The following MTX2 variants were observed in gnomAD, a reference collection of about 807,000 sequenced individuals.
MTX2 encodes the protein metaxin 2, also known as metaxin-2.
In MTX2, 35 loss-of-function variants were observed where a neutral mutation model predicts 42.3. The ratio of observed to expected loss-of-function variants is 0.83; its 90% CI spans 0.63 to 1.10. The LOEUF (loss-of-function observed/expected upper bound fraction) is 1.10, where lower values mean the gene tolerates loss of function less well. MTX2 is among the 50% of genes least tolerant of loss of function. The pLI is 0.00. For missense variants in MTX2, 307 were observed against 304.1 expected (o/e 1.01, Z -0.07); for synonymous variants, 119 against 100.9 (o/e 1.18, Z -1.08).
At chr2:176,274,147 CTGATAA>C (rs1174001204) in intron 1 of MTX2, among the ~76,000 whole-genome samples, 8 of 150,962 alleles carry the variant, frequency 5.3e-5, no homozygotes, top group South Asian at 2.1e-4. Context: ...TTTTTTTTTC[CTGATAA>C]TGATAATGAT....
At chr2:176,305,676 G>C (rs1019310667) in intron 3 of MTX2, among the ~76,000 whole-genome samples, 4 of 151,982 alleles carry the variant, frequency 2.6e-5, no homozygotes, top group African/African-American at 4.8e-5. Flanking sequence ...CTCTTTTGTT[G>C]CTTTCAGAAA....
chr2:176,333,041 A>G (rs888586622), intron 9 of MTX2, among the ~76,000 whole-genome samples: 5 of 151,548 alleles, frequency 3.3e-5, no homozygotes, highest in Admixed American at 6.6e-5. Context: ...TATTCAAATG[A>G]AAAAATAGTA....
chr2:176,298,597 TATTTA>T (rs1405406390), intron 3 of MTX2, among the ~76,000 whole-genome samples: 1 of 152,148 alleles, frequency 6.6e-6, no homozygotes, highest in Non-Finnish European at 1.5e-5. Flanking sequence ...ACATTTTGCA[TATTTA>T]GCTGCCATTT....
At chr2:176,297,930 C>A in intron 3 of MTX2, 35 bp downstream of exon 3, 1 of 1,478,014 alleles carries the variant, frequency 6.8e-7, no homozygotes, top group South Asian at 1.4e-5. Context: ...CTTTTTCACC[C>A]CCTAGGTGGT....
intron 9 of MTX2, among the ~76,000 whole-genome samples, chr2:176,336,099 A>G (rs2105451114): frequency 6.6e-6 from 1 of 152,282 alleles, no homozygotes; most frequent in South Asian, 2.1e-4. Flanking sequence ...ATATTTTCAC[A>G]TTTATGTAGG....
chr2:176,296,217 A>G (rs1006925663), intron 1 of MTX2, among the ~76,000 whole-genome samples: 2 of 152,122 alleles, frequency 1.3e-5, no homozygotes, highest in South Asian at 2.1e-4. Context: ...GCATTATTTC[A>G]CATTGTAGGT....
intron 3 of MTX2, among the ~76,000 whole-genome samples, chr2:176,314,058 A>G (rs972764278): frequency 6.6e-6 from 1 of 150,800 alleles, no homozygotes; most frequent in Non-Finnish European, 1.5e-5. Context: ...TTTTTTTTTT[A>G]ACTTAATGCA....
At chr2:176,321,268 A>C (rs1206125763) in intron 3 of MTX2, among the ~76,000 whole-genome samples, 1 of 152,002 alleles carries the variant, frequency 6.6e-6, no homozygotes, top group East Asian at 1.9e-4. Context: ...ACCCTACCCT[A>C]TCTTTGTGGG....
chr2:176,330,938 A>G lies in MTX2; in HGVS notation c.620+278A>G, dbSNP rs368455739. 1.6e-4 allele frequency among the ~76,000 whole-genome samples: 24 copies of G among 151,134 alleles called. 1 individual carries two copies. Among genetic ancestry groups the G allele is most frequent in the African/African-American group, 5.8e-4 (24 of 41,462 alleles). On this transcript the variant is annotated intron_variant, in intron 9 of 9. Coordinates refer to ENST00000249442, the MANE Select transcript of MTX2 (RefSeq NM_006554.5). ...TTTTAATGAGGTAGTTCAAGGTGCT[A>G]TACATGGAACTACAAAATCTTAACA...
chr2:176,327,729 C>G (rs1186685651), intron 5 of MTX2, among the ~76,000 whole-genome samples: 2 of 150,596 alleles, frequency 1.3e-5, no homozygotes, highest in East Asian at 3.9e-4. Context: ...GTATAAATTC[C>G]TAAGGTTGGT....
chr2:176,271,264 A>T (rs1692798558), intron 1 of MTX2, among the ~76,000 whole-genome samples: 1 of 152,242 alleles, frequency 6.6e-6, no homozygotes, highest in Non-Finnish European at 1.5e-5. Flanking sequence ...TTGATTAAAG[A>T]TCTAAATATA....
intron 3 of MTX2, among the ~76,000 whole-genome samples, chr2:176,318,483 A>C (rs545252833): frequency 5.3e-5 from 8 of 152,326 alleles, no homozygotes; most frequent in Non-Finnish European, 7.3e-5. Context: ...TTATATATAA[A>C]GAATGGGTGC....
intron 1 of MTX2, among the ~76,000 whole-genome samples, chr2:176,285,192 T>A (rs185805665): frequency 6.6e-6 from 1 of 152,274 alleles, no homozygotes; most frequent in African/African-American, 2.4e-5. Context: ...TTACTTAGCT[T>A]GTGCCTCAGT....
chr2:176,314,120 C>T (rs917950706), intron 3 of MTX2, among the ~76,000 whole-genome samples: 2 of 151,894 alleles, frequency 1.3e-5, no homozygotes, highest in Non-Finnish European at 2.9e-5. Flanking sequence ...AGTCTGTTCC[C>T]TTACTCGTGT....
intron 2 of MTX2, among the ~76,000 whole-genome samples, chr2:176,297,231 G>A (rs1253670738): frequency 6.6e-6 from 1 of 152,128 alleles, no homozygotes; most frequent in Admixed American, 6.6e-5. Context: ...GGTAAAGTGG[G>A]CTCTCAGTAA....
intron 4 of MTX2, among the ~76,000 whole-genome samples, chr2:176,326,254 C>T (rs779618317): frequency 1.3e-5 from 2 of 151,716 alleles, no homozygotes; most frequent in Non-Finnish European, 3.0e-5. Flanking sequence ...TATTACAACT[C>T]ACCAACTAGC....
chr2:176,281,205 G>T (rs2105398668), intron 1 of MTX2, among the ~76,000 whole-genome samples: 1 of 152,208 alleles, frequency 6.6e-6, no homozygotes, highest in South Asian at 2.1e-4. Context: ...CTAAGATAGG[G>T]TTACTTATGT....
intron 4 of MTX2, 52 bp downstream of exon 4, chr2:176,323,516 T>G: frequency 6.7e-7 from 1 of 1,497,328 alleles, no homozygotes; most frequent in Non-Finnish European, 9.2e-7. Context: ...GATAAAATTA[T>G]AGTGATAGTC....
rs1490648234 is a variant in MTX2, at chr2:176,319,366, C to G, written c.136-4026C>G. On this transcript the variant is annotated intron_variant, in intron 3 of 9. Coordinates refer to ENST00000249442, the MANE Select transcript of MTX2 (RefSeq NM_006554.5). ...CATCTTTCAAGAGAAAGGGGAAATACTGTTTGAGTCAAACCTTGCTATTGT... is the reference window on the plus strand; with the variant it reads ...CATCTTTCAAGAGAAAGGGGAAATAGTGTTTGAGTCAAACCTTGCTATTGT... 3.3e-5 allele frequency among the ~76,000 whole-genome samples: 5 copies of G among 151,334 alleles called. No homozygotes were observed. In the East Asian group the frequency reaches 9.7e-4, roughly 29 times the overall value.
Sources: gnomAD v4.1 joint callset for allele counts (sites outside exome capture counted in the v4.1 genomes callset) on GRCh38, gnomAD v4.1.1 for gene constraint, MANE v1.5 for transcripts, NCBI Gene and HGNC (gene_info 2026-07-23, HGNC 2026-07-21) for gene names.